Variants in PRKCB observed in about 807,000 individuals in gnomAD.
PRKCB encodes the protein protein kinase C beta type.
PRKCB carries 13 observed loss-of-function variants against 81.5 expected under a neutral mutation model. The observed-to-expected ratio is 0.16, with a 90% CI of 0.10 to 0.25. The LOEUF is 0.25. Among genes scored for constraint, PRKCB ranks in the 10% least tolerant of loss-of-function variants. PRKCB has a pLI of 1.00. For missense variants in PRKCB, 509 were observed against 875.7 expected, an observed-to-expected ratio of 0.58 and a Z score of 5.29; for synonymous variants, 335 against 321.4, an observed-to-expected ratio of 1.04 and a Z score of -0.45.
rs570752080 is a variant in PRKCB, at chr16:24,191,333, G to A, written c.1863+103G>A. ...CTCCCTGAGGGGTAGACGTCAATGT[G>A]TCTACTGGAACATGGGTGTATGTAT... On this transcript the variant is annotated intron_variant, in intron 16 of 16. Coordinates refer to ENST00000643927, the MANE Select transcript of PRKCB (RefSeq NM_002738.7). 16 of 1,336,468 alleles carry A rather than the reference G, an allele frequency of 1.2e-5. No homozygotes were observed. In the South Asian group the frequency reaches 1.9e-4, roughly 16 times the overall value. The allele number at this position is 1,336,468 out of a possible 1,614,324, so 82.8% of individuals were successfully genotyped here.
chr16:24,020,765 C>G (rs1965346729), intron 3 of PRKCB, among the ~76,000 whole-genome samples: 1 of 152,150 alleles, frequency 6.6e-6, no homozygotes, highest in Non-Finnish European at 1.5e-5. Context: ...GCCTCAGGAG[C>G]TTTCATAGCT....
intron 2 of PRKCB, among the ~76,000 whole-genome samples, chr16:23,902,728 T>TCCCTC (rs1963493847): frequency 2.5e-4 from 5 of 20,340 alleles, no homozygotes; most frequent in African/African-American, 9.6e-4. Flanking sequence ...CTCCCTCCCT[T>TCCCTC]CCTCCCTTCC....
At chr16:24,174,293 T>G (rs1017807443) in intron 11 of PRKCB, 1 of 513,692 alleles carries the variant, frequency 1.9e-6, no homozygotes, top group African/African-American at 1.9e-5. Context: ...ATACAATTGC[T>G]GAACTTCTGC....
intron 2 of PRKCB, among the ~76,000 whole-genome samples, chr16:23,862,598 T>A (rs8052865): frequency 0.56 from 84,835 of 151,480 alleles, 23,972 homozygotes; most frequent in Admixed American, 0.62. Context: ...CAGGAAAAAA[T>A]TTTTTTTTCG....
intron 7 of PRKCB, 45 bp from the exon 8 acceptor site, chr16:24,112,910 TGATCAATAAAATAATACC>T (rs1966692747): frequency 8.6e-7 from 1 of 1,167,764 alleles, no homozygotes; most frequent in African/African-American, 1.6e-5. Flanking sequence ...TTTCATATGC[TGATCAATAAAATAATACC>T]GAGTCGAGTC....
At chr16:23,991,514 G>A (rs922653538) in intron 3 of PRKCB, among the ~76,000 whole-genome samples, 2 of 152,180 alleles carry the variant, frequency 1.3e-5, no homozygotes, top group Non-Finnish European at 1.5e-5. Context: ...CAAGAAGATG[G>A]TGTTTCCCAT....
chr16:24,185,923 A>G (rs1419017538), intron 15 of PRKCB, among the ~76,000 whole-genome samples: 1 of 152,188 alleles, frequency 6.6e-6, no homozygotes, highest in Non-Finnish European at 1.5e-5. Context: ...CTTTTGCACA[A>G]CTCAGGCTAT....
intron 15 of PRKCB, among the ~76,000 whole-genome samples, chr16:24,187,700 T>A (rs535680122): frequency 7.2e-5 from 5 of 69,910 alleles, no homozygotes; most frequent in African/African-American, 2.8e-4. Flanking sequence ...TTTTGTTTTA[T>A]CAATGTCTCG....
At chr16:23,920,151 C>G (rs760867033) in intron 2 of PRKCB, among the ~76,000 whole-genome samples, 14 of 152,210 alleles carry the variant, frequency 9.2e-5, no homozygotes, top group Non-Finnish European at 1.9e-4. Flanking sequence ...TCCTCACCAG[C>G]ACATGTTATT....
At chr16:23,976,331 G>T (rs78388769) in intron 2 of PRKCB, among the ~76,000 whole-genome samples, 1 of 151,862 alleles carries the variant, frequency 6.6e-6, no homozygotes, top group South Asian at 2.1e-4. Context: ...CCCCAAAAAC[G>T]GATGGCAGAT....
intron 16 of PRKCB, among the ~76,000 whole-genome samples, chr16:24,212,277 G>C (rs1968150102): frequency 1.3e-5 from 2 of 151,604 alleles, no homozygotes; most frequent in Non-Finnish European, 2.9e-5. Flanking sequence ...CTATTTCACA[G>C]AGTTTTTACA....
intron 2 of PRKCB, among the ~76,000 whole-genome samples, chr16:23,968,143 A>G (rs1490589242): frequency 6.6e-6 from 1 of 152,056 alleles, no homozygotes; most frequent in Non-Finnish European, 1.5e-5. Flanking sequence ...TGAAGGAAGC[A>G]TGCTTGAGAT....
intron 3 of PRKCB, 103 bp downstream of exon 3, chr16:23,988,693 C>A: frequency 1.8e-6 from 2 of 1,110,074 alleles, no homozygotes; most frequent in Non-Finnish European, 2.7e-6. Context: ...GACGATCTCA[C>A]TCTAAGGCAT....
At chr16:23,917,804 T>C (rs925641640) in intron 2 of PRKCB, among the ~76,000 whole-genome samples, 1 of 152,140 alleles carries the variant, frequency 6.6e-6, no homozygotes, top group East Asian at 1.9e-4. Context: ...AAGACATTAG[T>C]GGGTATCAGA....
rs964922655 is a variant in PRKCB at position 23,971,166 on chromosome 16, C to T, written c.206-17342C>T. Reference sequence around the variant, plus strand: ...TTTTAGTATTATTTTTATTAGAAGCCGTGGCAGTAGTTACCATCATTGTCA... The same window carrying T: ...TTTTAGTATTATTTTTATTAGAAGCTGTGGCAGTAGTTACCATCATTGTCA... On this transcript the variant is annotated intron_variant, in intron 2 of 16. Coordinates refer to ENST00000643927, the MANE Select transcript of PRKCB (RefSeq NM_002738.7). Among the ~76,000 whole-genome samples, 6 of 152,096 alleles carry T rather than the reference C, an allele frequency of 3.9e-5. 1 individual carries two copies. The highest frequency in any genetic ancestry group is 4.1e-4 in the South Asian group (2 of 4,830).
At chr16:24,149,982 T>C (rs907478109) in intron 9 of PRKCB, among the ~76,000 whole-genome samples, 12 of 152,230 alleles carry the variant, frequency 7.9e-5, no homozygotes, top group African/African-American at 2.9e-4. Context: ...CTTTGTTTTT[T>C]TCCCCCTGCC....
At chr16:23,871,976 G>T (rs1221970905) in intron 2 of PRKCB, among the ~76,000 whole-genome samples, 2 of 151,448 alleles carry the variant, frequency 1.3e-5, no homozygotes, top group African/African-American at 4.9e-5. Flanking sequence ...TGCCTGTCTT[G>T]TTCTCTGTTA....
intron 3 of PRKCB, among the ~76,000 whole-genome samples, chr16:24,013,088 C>T (rs1965226744): frequency 6.6e-6 from 1 of 152,158 alleles, no homozygotes; most frequent in South Asian, 2.1e-4. Context: ...GTTAAGGGCC[C>T]TGGTCAACTC....
At chr16:23,877,476 A>G (rs1963033909) in intron 2 of PRKCB, among the ~76,000 whole-genome samples, 1 of 152,198 alleles carries the variant, frequency 6.6e-6, no homozygotes, top group Non-Finnish European at 1.5e-5. Context: ...CTACAATCCC[A>G]TATAAGACTC....
Sources: allele counts gnomAD v4.1 joint callset (sites outside exome capture counted in the v4.1 genomes callset), GRCh38; gene constraint gnomAD v4.1.1; transcripts MANE v1.5; gene names NCBI Gene and HGNC (gene_info 2026-07-23, HGNC 2026-07-21).